Variants in VTI1A observed in about 807,000 individuals in gnomAD.
The protein encoded by VTI1A is vesicle transport through interaction with t-SNAREs 1A.
VTI1A carries 22 observed loss-of-function variants against 34.9 expected under a neutral mutation model. The ratio of observed to expected loss-of-function variants is 0.63; its 90% CI spans 0.45 to 0.90. The LOEUF (loss-of-function observed/expected upper bound fraction) is 0.90, where lower values mean the gene tolerates loss of function less well. Ranked by LOEUF, VTI1A falls within the 40% of genes least tolerant of loss-of-function variation. VTI1A has a pLI of 0.00. For synonymous variants in VTI1A, 87 were observed against 97.3 expected (o/e 0.89, Z 0.62); for missense variants, 268 against 275.6 (o/e 0.97, Z 0.20).
At chr10:112,566,843 A>G (rs1851920472) in intron 5 of VTI1A, among the ~76,000 whole-genome samples, 1 of 152,078 alleles carries the variant, frequency 6.6e-6, no homozygotes. Flanking sequence ...TAGAAAGTAT[A>G]TTTGTCAGCC....
intron 5 of VTI1A, among the ~76,000 whole-genome samples, chr10:112,545,863 G>A (rs73365058): frequency 1.7e-3 from 255 of 152,024 alleles, no homozygotes; most frequent in African/African-American, 6.0e-3. Flanking sequence ...GGCTGTGTGT[G>A]TGTATTTTGC....
intron 7 of VTI1A, among the ~76,000 whole-genome samples, chr10:112,751,475 TAAAAAAAAAAA>T (rs11411829): frequency 2.4e-4 from 24 of 100,980 alleles, no homozygotes; most frequent in Non-Finnish European, 4.8e-4. Context: ...ATTAACTGTT[TAAAAAAAAAAA>T]AAAAAAAAAA....
intron 3 of VTI1A, among the ~76,000 whole-genome samples, chr10:112,488,252 T>C (rs1428263942): frequency 6.6e-6 from 1 of 152,244 alleles, no homozygotes; most frequent in African/African-American, 2.4e-5. Context: ...GAGCAGGAAC[T>C]GTGATATAGC....
intron 4 of VTI1A, among the ~76,000 whole-genome samples, chr10:112,535,161 T>C (rs1450669055): frequency 6.6e-6 from 1 of 152,230 alleles, no homozygotes; most frequent in Non-Finnish European, 1.5e-5. Context: ...TCATCAGTTA[T>C]GATTCTGGAA....
intron 7 of VTI1A, among the ~76,000 whole-genome samples, chr10:112,748,114 G>A (rs548666055): frequency 8.5e-5 from 13 of 152,122 alleles, no homozygotes; most frequent in Non-Finnish European, 1.3e-4. Context: ...TCTTGGTGGA[G>A]CCAGCACTAG....
intron 3 of VTI1A, among the ~76,000 whole-genome samples, chr10:112,471,944 A>G (rs1848103342): frequency 6.6e-6 from 1 of 152,236 alleles, no homozygotes; most frequent in Non-Finnish European, 1.5e-5. Context: ...AAGTCTCAGT[A>G]AATAGAAAAA....
chr10:112,495,805 G>T (rs370847819), intron 3 of VTI1A, among the ~76,000 whole-genome samples: 1 of 152,098 alleles, frequency 6.6e-6, no homozygotes, highest in African/African-American at 2.4e-5. Flanking sequence ...ATTTAGAATT[G>T]TATTTAGAAT....
intron 5 of VTI1A, among the ~76,000 whole-genome samples, chr10:112,601,255 G>A (rs1357192735): frequency 3.3e-5 from 5 of 152,060 alleles, no homozygotes; most frequent in African/African-American, 9.7e-5. Flanking sequence ...AAAAGTCCAA[G>A]ATGCTTTTCT....
intron 7 of VTI1A, among the ~76,000 whole-genome samples, chr10:112,673,224 A>G (rs1476516731): frequency 6.6e-6 from 1 of 151,998 alleles, no homozygotes; most frequent in African/African-American, 2.4e-5. Context: ...CTGAGGCATG[A>G]AAATCACTTC....
At chr10:112,460,452 A>T in intron 1 of VTI1A, 72 bp from the exon 2 acceptor site, 1 of 1,381,618 alleles carries the variant, frequency 7.2e-7, no homozygotes, top group Non-Finnish European at 9.9e-7. Context: ...AAAGGCATAT[A>T]AAAATTGAAG....
intron 5 of VTI1A, among the ~76,000 whole-genome samples, chr10:112,664,620 A>G (rs1847578220): frequency 1.3e-5 from 2 of 152,210 alleles, no homozygotes; most frequent in Admixed American, 1.3e-4. Context: ...TTCAATGGCT[A>G]TTGTGTATAT....
intron 5 of VTI1A, among the ~76,000 whole-genome samples, chr10:112,623,831 C>A (rs1019240082): frequency 3.3e-5 from 5 of 152,130 alleles, no homozygotes; most frequent in African/African-American, 4.8e-5. Flanking sequence ...GGGAAAATTG[C>A]CTCTGCTAAA....
Position 112,817,089 on chromosome 10 carries a change from G to A in VTI1A, c.*1706G>A, listed in dbSNP as rs561330073. On this transcript the variant is annotated 3_prime_UTR_variant, in exon 8 of 8. Transcript: ENST00000393077. ...AGCAAGAATCTTGTATTCTGATAAC[G>A]GAATGCTGTACGTGCTGACCACATC... is the stretch of plus-strand genomic sequence containing the variant. 4.3e-5 allele frequency: 10 copies of A among 232,422 alleles called. No individual in the cohort carries two copies. The highest frequency in any genetic ancestry group is 2.0e-4 in the African/African-American group (9 of 45,388). 14.4% of individuals were successfully genotyped at this position (232,422 alleles called of 1,614,324 possible).
chr10:112,615,677 G>A (rs903493664), intron 5 of VTI1A, among the ~76,000 whole-genome samples: 3 of 152,146 alleles, frequency 2.0e-5, no homozygotes, highest in Admixed American at 1.3e-4. Flanking sequence ...CTTGATCTTC[G>A]TCTGAGGGAG....
At chr10:112,636,068 G>T (rs1385599821) in intron 5 of VTI1A, among the ~76,000 whole-genome samples, 1 of 152,222 alleles carries the variant, frequency 6.6e-6, no homozygotes, top group African/African-American at 2.4e-5. Flanking sequence ...ATAATTATGG[G>T]TTGAGATGAG....
chr10:112,534,699 C>T (rs1483329758), intron 4 of VTI1A, among the ~76,000 whole-genome samples: 2 of 152,026 alleles, frequency 1.3e-5, no homozygotes, highest in Non-Finnish European at 2.9e-5. Flanking sequence ...TTTATCTTCC[C>T]TACAGGGGAG....
At chr10:112,642,903 G>C (rs1322174159) in intron 5 of VTI1A, among the ~76,000 whole-genome samples, 2 of 151,900 alleles carry the variant, frequency 1.3e-5, no homozygotes, top group East Asian at 3.9e-4. Flanking sequence ...TTGGACATTG[G>C]TGACACTAGA....
intron 7 of VTI1A, among the ~76,000 whole-genome samples, chr10:112,808,624 CAAAAAAAAAA>C (rs760656671): frequency 1.7e-5 from 1 of 59,592 alleles, no homozygotes; most frequent in East Asian, 4.7e-4. Context: ...GACTCCATCT[CAAAAAAAAAA>C]AAAAAAAAAA....
intron 5 of VTI1A, among the ~76,000 whole-genome samples, chr10:112,595,867 G>A (rs1844614640): frequency 6.6e-6 from 1 of 152,168 alleles, no homozygotes; most frequent in Non-Finnish European, 1.5e-5. Context: ...GCACCCGTAT[G>A]TTTATTGTGG....
Sources: gnomAD v4.1 joint callset for allele counts (sites outside exome capture counted in the v4.1 genomes callset) on GRCh38, gnomAD v4.1.1 for gene constraint, MANE v1.5 for transcripts, NCBI Gene and HGNC (gene_info 2026-07-23, HGNC 2026-07-21) for gene names.